NEMP2: variants seen among roughly 807,000 people sequenced by gnomAD.
NEMP2 encodes the protein nuclear envelope integral membrane protein 2.
Under a neutral mutation model 54.2 loss-of-function variants are expected in NEMP2, and 53 were observed. The observed-to-expected ratio is 0.98, with a 90% confidence interval of 0.78 to 1.23. NEMP2 has a LOEUF of 1.23. Among genes scored for constraint, NEMP2 ranks in the 50% most tolerant of loss-of-function variants. The pLI is 0.00. For missense variants in NEMP2, 455 were observed against 511.3 expected, an observed-to-expected ratio of 0.89 and a Z score of 1.06; for synonymous variants, 197 against 190.3, an observed-to-expected ratio of 1.04 and a Z score of -0.29.
chr2:190,437,706 C>T, the NEMP2 span: 1 of 1,026,990 alleles, frequency 9.7e-7, no homozygotes, highest in African/African-American at 1.6e-5. This position sits in a 1 kb window ranked among gnomAD's most constrained non-coding sequence, Gnocchi z 5.9. Flanking sequence ...TGTTTCTTTT[C>T]CTCCTTAAAA....
the NEMP2 span, among the ~76,000 whole-genome samples, chr2:190,643,592 C>G: frequency 4.8e-4 from 73 of 152,224 alleles, no homozygotes; most frequent in African/African-American, 1.4e-3. Context: ...AGCGCTGTTG[C>G]GAGGATCAGA....
the NEMP2 span, chr2:190,607,926 G>C: frequency 6.6e-6 from 1 of 152,300 alleles, no homozygotes; most frequent in South Asian, 2.1e-4. The surrounding 1 kb of genome is among the most constrained non-coding windows in gnomAD (Gnocchi z 5.2). Context: ...GAAGACTGGT[G>C]TACAGTAGTC....
At chr2:190,518,396 T>A (rs547207562) in intron 4 of NEMP2, among the ~76,000 whole-genome samples, 26 of 152,208 alleles carry the variant, frequency 1.7e-4, no homozygotes, top group African/African-American at 6.3e-4. Flanking sequence ...AGGGAACAAA[T>A]CTCCAGCCCT....
the NEMP2 span, among the ~76,000 whole-genome samples, chr2:190,603,637 G>T: frequency 6.7e-6 from 1 of 148,904 alleles, no homozygotes; most frequent in African/African-American, 2.5e-5. Flanking sequence ...CACCCGGGGA[G>T]CTCTGGCATT....
the NEMP2 span, among the ~76,000 whole-genome samples, chr2:190,585,146 G>A: frequency 1.3e-5 from 2 of 152,252 alleles, no homozygotes; most frequent in African/African-American, 4.8e-5. This position sits in a 1 kb window ranked among gnomAD's most constrained non-coding sequence, Gnocchi z 5.3. Flanking sequence ...CGTTCCCTGT[G>A]TGTTTCTAAC....
chr2:190,463,314 A>G, the NEMP2 span, among the ~76,000 whole-genome samples: 1,008 of 152,352 alleles, frequency 6.6e-3, 5 homozygotes, highest in Middle Eastern at 0.014. This position sits in a 1 kb window ranked among gnomAD's most constrained non-coding sequence, Gnocchi z 4.4. Context: ...AATAGAGAAC[A>G]TCATCTTATT....
chr2:190,464,958 A>G, the NEMP2 span: 1 of 962,976 alleles, frequency 1.0e-6, no homozygotes, highest in Non-Finnish European at 1.2e-6. Context: ...TTAAATTTAG[A>G]AAAGTAGGGT....
chr2:190,449,970 T>A, the NEMP2 span, among the ~76,000 whole-genome samples: 4 of 152,002 alleles, frequency 2.6e-5, no homozygotes, highest in South Asian at 2.1e-4. Context: ...CATATGTAAC[T>A]AACCTGCACA....
At chr2:190,446,263 G>C in the NEMP2 span, among the ~76,000 whole-genome samples, 1 of 152,178 alleles carries the variant, frequency 6.6e-6, no homozygotes, top group Non-Finnish European at 1.5e-5. Context: ...AAGAGTTTGA[G>C]ATTATAAGAG....
the NEMP2 span, among the ~76,000 whole-genome samples, chr2:190,434,507 C>T: frequency 6.6e-6 from 1 of 152,192 alleles, no homozygotes. The surrounding 1 kb of genome is among the most constrained non-coding windows in gnomAD (Gnocchi z 4.3). Flanking sequence ...GCAATCTCAG[C>T]TCACTGCAAC....
At chr2:190,548,458 A>G in the NEMP2 span, among the ~76,000 whole-genome samples, 1 of 152,196 alleles carries the variant, frequency 6.6e-6, no homozygotes, top group African/African-American at 2.4e-5. Context: ...TCATCTAAAC[A>G]TACTAATTTT....
At chr2:190,481,496 G>A in the NEMP2 span, among the ~76,000 whole-genome samples, 1 of 152,072 alleles carries the variant, frequency 6.6e-6, no homozygotes, top group African/African-American at 2.4e-5. Context: ...ATGTCCTTTT[G>A]TTCAGCTGCT....
At chr2:190,643,597 A>T in the NEMP2 span, among the ~76,000 whole-genome samples, 1 of 152,212 alleles carries the variant, frequency 6.6e-6, no homozygotes, top group Admixed American at 6.5e-5. Context: ...TGTTGCGAGG[A>T]TCAGATGAAT....
At chr2:190,454,304 G>A in the NEMP2 span, 16 of 152,214 alleles carry the variant, frequency 1.1e-4, no homozygotes, top group African/African-American at 1.4e-4. This position sits in a 1 kb window ranked among gnomAD's most constrained non-coding sequence, Gnocchi z 4.6. Flanking sequence ...GAGAGTGAAG[G>A]TATTAAAGAT....
the NEMP2 span, among the ~76,000 whole-genome samples, chr2:190,439,416 C>T: frequency 6.6e-5 from 10 of 151,814 alleles, no homozygotes; most frequent in African/African-American, 1.2e-4. The surrounding 1 kb of genome is among the most constrained non-coding windows in gnomAD (Gnocchi z 5.8). Flanking sequence ...ACGTGCACAA[C>T]GTGCAGATTT....
chr2:190,508,812 CAG>C lies in NEMP2; in HGVS notation c.*375_*376del, dbSNP rs1018141907. 1.1e-4 allele frequency: 24 copies of C among 221,848 alleles called. No homozygotes were observed. Among genetic ancestry groups the C allele is most frequent in the African/African-American group, 4.6e-4 (20 of 43,674 alleles). 13.7% of individuals were successfully genotyped at this position (221,848 alleles called of 1,614,324 possible). The stretch of plus-strand genomic sequence containing the variant: ...CTGACGAACTATAGGAAGAGTATTG[CAG>C]AGTCTTCTGACACAGGTTCAGGGGA... On this transcript the variant is annotated 3_prime_UTR_variant, in exon 9 of 9. Coordinates refer to ENST00000409150, the MANE Select transcript of NEMP2 (RefSeq NM_001142645.2). This position sits in a 1 kb window ranked among gnomAD's most constrained non-coding sequence, Gnocchi z 4.3.
the NEMP2 span, among the ~76,000 whole-genome samples, chr2:190,434,973 C>T: frequency 6.6e-6 from 1 of 152,172 alleles, no homozygotes; most frequent in Non-Finnish European, 1.5e-5. The surrounding 1 kb of genome is among the most constrained non-coding windows in gnomAD (Gnocchi z 4.3). Flanking sequence ...CTATTGTGAA[C>T]TGTGCATGCG....
chr2:190,539,059 C>A (rs1463732713), upstream of NEMP2, among the ~76,000 whole-genome samples: 1 of 152,092 alleles, frequency 6.6e-6, no homozygotes, highest in Non-Finnish European at 1.5e-5. The surrounding 1 kb of genome is among the most constrained non-coding windows in gnomAD (Gnocchi z 4.1). Flanking sequence ...GAAACGTTTT[C>A]TTCTAGTAGT....
At chr2:190,640,787 A>ATTTT in the NEMP2 span, among the ~76,000 whole-genome samples, 6 of 118,024 alleles carry the variant, frequency 5.1e-5, no homozygotes, top group African/African-American at 2.1e-4. Flanking sequence ...AACACATTCA[A>ATTTT]TTTTTTTTTT....
Sources: allele counts gnomAD v4.1 joint callset (sites outside exome capture counted in the v4.1 genomes callset), GRCh38; gene constraint gnomAD v4.1.1; non-coding constraint Gnocchi (gnomAD v3.1); transcripts MANE v1.5; gene names NCBI Gene and HGNC (gene_info 2026-07-23, HGNC 2026-07-21).